Variants in SEMA3A observed in about 807,000 individuals in gnomAD.
SEMA3A encodes semaphorin-3A.
In SEMA3A, 29 loss-of-function variants were observed where a neutral mutation model predicts 97.9. The observed-to-expected ratio is 0.30, with a 90% CI of 0.22 to 0.40. The LOEUF is 0.40. Among genes scored for constraint, SEMA3A ranks in the 10% least tolerant of loss-of-function variants. The pLI, the probability that SEMA3A is intolerant of heterozygous loss-of-function variation, is 1.00. For synonymous variants in SEMA3A, 321 were observed against 323.7 expected, an observed-to-expected ratio of 0.99 and a Z score of 0.09; for missense variants, 763 against 951.3, an observed-to-expected ratio of 0.80 and a Z score of 2.60.
chr7:83,990,337 T>C (rs1188942395), intron 12 of SEMA3A, among the ~76,000 whole-genome samples: 2 of 152,098 alleles, frequency 1.3e-5, no homozygotes, highest in Non-Finnish European at 2.9e-5. Flanking sequence ...ATCCCATTTG[T>C]CAATTTTGGC....
intron 1 of SEMA3A, among the ~76,000 whole-genome samples, chr7:84,182,687 C>T (rs576736505): frequency 6.6e-6 from 1 of 152,214 alleles, no homozygotes; most frequent in South Asian, 2.1e-4. Flanking sequence ...TTATGCTTAA[C>T]ACACTTAAAA....
At chr7:84,083,001 T>G (rs1794210977) in intron 4 of SEMA3A, among the ~76,000 whole-genome samples, 1 of 151,762 alleles carries the variant, frequency 6.6e-6, no homozygotes, top group Non-Finnish European at 1.5e-5. Context: ...AGAATTTGAG[T>G]CATTGGACAT....
intron 3 of SEMA3A, among the ~76,000 whole-genome samples, chr7:84,264,737 A>C (rs1361990759): frequency 6.6e-6 from 1 of 152,120 alleles, no homozygotes; most frequent in Admixed American, 6.6e-5. Flanking sequence ...GACTGCTTAG[A>C]GCTGACTTGA....
chr7:84,361,602 TATAAA>T (rs1382644757), intron 2 of SEMA3A, among the ~76,000 whole-genome samples: 4 of 151,974 alleles, frequency 2.6e-5, no homozygotes, highest in Non-Finnish European at 5.9e-5. Flanking sequence ...GAACGAGTAA[TATAAA>T]ATAAGAGTCA....
intron 2 of SEMA3A, among the ~76,000 whole-genome samples, chr7:84,134,051 A>T (rs923206982): frequency 6.6e-6 from 1 of 152,058 alleles, no homozygotes; most frequent in African/African-American, 2.4e-5. Context: ...ACAGAGCGAG[A>T]CTCCATCTCA....
intron 14 of SEMA3A, among the ~76,000 whole-genome samples, chr7:83,980,639 T>TATATATACAC (rs376148779): frequency 6.9e-4 from 61 of 88,430 alleles, no homozygotes; most frequent in East Asian, 2.2e-3. Flanking sequence ...TATATATATA[T>TATATATACAC]ACACACACAC....
chr7:84,020,832 C>T (rs1054457673), intron 6 of SEMA3A, among the ~76,000 whole-genome samples: 4 of 151,854 alleles, frequency 2.6e-5, no homozygotes, highest in Non-Finnish European at 4.4e-5. Flanking sequence ...ACTGGTCTTC[C>T]CCCTGCATTA....
chr7:84,481,682 T>C (rs1175048709), intron 1 of SEMA3A, among the ~76,000 whole-genome samples: 4 of 152,274 alleles, frequency 2.6e-5, no homozygotes, highest in South Asian at 4.1e-4. Context: ...CAGCTAATTA[T>C]ATTGCACCAT....
rs1800364695 is a variant in SEMA3A at position 84,278,466 on chromosome 7, T to C, written c.-83+28741A>G. 2.0e-5 allele frequency among the ~76,000 whole-genome samples: 3 copies of C among 152,112 alleles called. No homozygotes were observed. The South Asian group carries it at 6.2e-4, about 31-fold the overall frequency. On this transcript the variant is annotated intron_variant, in intron 3 of 3. Transcript: ENST00000424555. ...CAGGTATCTTTAAAGCAACACTCCATTCCTTGGTACCAATTTTCTGTATTA... is the reference window on the plus strand; with the variant it reads ...CAGGTATCTTTAAAGCAACACTCCACTCCTTGGTACCAATTTTCTGTATTA...
chr7:84,063,342 A>T (rs913602336), intron 4 of SEMA3A, among the ~76,000 whole-genome samples: 23 of 150,480 alleles, frequency 1.5e-4, no homozygotes, highest in Non-Finnish European at 3.0e-4. Flanking sequence ...AAAAACTGGA[A>T]ACTCTAAAAA....
intron 2 of SEMA3A, among the ~76,000 whole-genome samples, chr7:84,308,577 T>C (rs1301224751): frequency 6.6e-6 from 1 of 151,746 alleles, no homozygotes; most frequent in Non-Finnish European, 1.5e-5. Flanking sequence ...TTGAAGAGAG[T>C]GACAGTGAGC....
chr7:84,101,967 A>C (rs778649551), intron 4 of SEMA3A, among the ~76,000 whole-genome samples: 15 of 150,980 alleles, frequency 9.9e-5, no homozygotes, highest in Non-Finnish European at 2.2e-4. Context: ...GGATATATTT[A>C]GTTAAAATAA....
chr7:84,274,015 T>C (rs1292465520), intron 3 of SEMA3A, among the ~76,000 whole-genome samples: 1 of 152,068 alleles, frequency 6.6e-6, no homozygotes, highest in Admixed American at 6.6e-5. Context: ...GAAAAGTACA[T>C]CTATATAAGC....
rs1311617628 is a variant in SEMA3A at position 83,957,477 on chromosome 7, TG to T, written c.*3893del. 7 of 152,118 alleles carry T rather than the reference TG, an allele frequency of 4.6e-5. No homozygotes were observed. The highest frequency in any genetic ancestry group is 1.7e-4 in the African/African-American group (7 of 41,442). The allele number at this position is 152,118 out of a possible 1,614,324, so 9.4% of individuals were successfully genotyped here. A position where few individuals can be genotyped will look rare whatever the true frequency, so the allele number is the denominator to read the frequency against. On this transcript the variant is annotated 3_prime_UTR_variant, in exon 17 of 17. Coordinates refer to ENST00000265362, the MANE Select transcript of SEMA3A (RefSeq NM_006080.3). ...TTCAAAATCTTCTTTTTGTTTGGTT[TG>T]GTTCCAGCTTTGCCTCTGCCTGTGT...
intron 1 of SEMA3A, among the ~76,000 whole-genome samples, chr7:84,377,001 G>A (rs1478735695): frequency 6.6e-6 from 1 of 152,010 alleles, no homozygotes; most frequent in Admixed American, 6.6e-5. Flanking sequence ...TTCCTTTGCT[G>A]TGCAGAAGCT....
Position 84,165,270 on chromosome 7 carries a change from A to G in SEMA3A, c.112+29205T>C, listed in dbSNP as rs569428744. Among the ~76,000 whole-genome samples the G allele has an allele frequency of 5.9e-5, 9 of 152,310 alleles. No individual in the cohort carries two copies. In the South Asian group the frequency reaches 1.7e-3, roughly 28 times the overall value. ...ACAAGAACTCATCAACATCTCATCA[A>G]GAAATGCTGCTCTTCTCTCATCCTC... On this transcript the variant is annotated intron_variant, in intron 1 of 16. Transcript: ENST00000265362.
At chr7:84,051,806 C>T (rs1347568736) in intron 5 of SEMA3A, among the ~76,000 whole-genome samples, 1 of 151,828 alleles carries the variant, frequency 6.6e-6, no homozygotes, top group Non-Finnish European at 1.5e-5. Flanking sequence ...AAAGGGAATG[C>T]TTCCAGTTTT....
chr7:84,436,263 T>G (rs2116329948), intron 1 of SEMA3A, among the ~76,000 whole-genome samples: 1 of 152,260 alleles, frequency 6.6e-6, no homozygotes, highest in South Asian at 2.1e-4. Flanking sequence ...TTCTGGACTT[T>G]GCCCTTGGGA....
chr7:84,410,322 G>A (rs1186200911), intron 1 of SEMA3A, among the ~76,000 whole-genome samples: 1 of 151,596 alleles, frequency 6.6e-6, no homozygotes, highest in African/African-American at 2.4e-5. Flanking sequence ...TTTTCATCAG[G>A]GGGTCATTTT....
Sources: gnomAD v4.1 joint callset for allele counts (sites outside exome capture counted in the v4.1 genomes callset) on GRCh38, gnomAD v4.1.1 for gene constraint, MANE v1.5 for transcripts, NCBI Gene and HGNC (gene_info 2026-07-23, HGNC 2026-07-21) for gene names.